CEP131: variants seen among roughly 807,000 people sequenced by gnomAD.
CEP131 encodes the protein centrosomal protein 131, also known as centrosomal protein of 131 kDa.
A neutral mutation model predicts 136.8 loss-of-function variants in CEP131; 99 were observed. The ratio of observed to expected loss-of-function variants is 0.72; its 90% CI spans 0.62 to 0.86. The LOEUF is 0.86. Among genes scored for constraint, CEP131 ranks in the 40% least tolerant of loss-of-function variants. The pLI, the probability that CEP131 is intolerant of heterozygous loss-of-function variation, is 0.00. For synonymous variants in CEP131, 646 were observed against 612.7 expected (o/e 1.05, Z -0.80); for missense variants, 1,459 against 1,463.0 (o/e 1.00, Z 0.04).
intron 6 of CEP131, 119 bp from the exon 7 acceptor site, chr17:81,202,517 C>G (rs1356657770): frequency 3.1e-6 from 4 of 1,277,802 alleles, no homozygotes; most frequent in African/African-American, 3.0e-5. Flanking sequence ...TGCTGGCAGG[C>G]TGGCAGCCGG....
intron 8 of CEP131, 91 bp from the exon 9 acceptor site, chr17:81,199,926 C>T (rs2061852811): frequency 7.6e-7 from 1 of 1,307,572 alleles, no homozygotes; most frequent in Non-Finnish European, 1.1e-6. Flanking sequence ...CCCTGGAGTC[C>T]CCTAGAGTTC....
Position 81,197,681 on chromosome 17 carries a change from GGGGGCCGGGTGCGGGCTGGTGA to G in CEP131, c.1647+9_1647+30del. On this transcript the variant is annotated intron_variant, in intron 13 of 25. Transcript: ENST00000450824. Reference sequence around the variant, plus strand: ...GGCTCGTGAGGGGCCTCCTCCCACTGGGGGCCGGGTGCGGGCTGGTGAGGGGCCACCTCCTGCTGGGAGTCCA... The same window carrying G: ...GGCTCGTGAGGGGCCTCCTCCCACTGGGGGCCACCTCCTGCTGGGAGTCCA... 1 of 1,586,830 alleles carries G rather than the reference GGGGGCCGGGTGCGGGCTGGTGA, an allele frequency of 6.3e-7. No individual in the cohort carries two copies. The highest frequency in any genetic ancestry group is 8.6e-7 in the Non-Finnish European group (1 of 1,166,266).
Position 81,194,982 on chromosome 17 carries a change from G to C in CEP131, c.2017-10C>G. The C allele has an allele frequency of 6.2e-7, 1 of 1,604,702 alleles. No homozygotes were observed. Among genetic ancestry groups the C allele is most frequent in the South Asian group, 1.1e-5 (1 of 90,964 alleles). The stretch of plus-strand genomic sequence containing the variant: ...TGAGTTTTTTAATCTCCTACGAGCA[G>C]AACAGGGCAGGAGGAAACGACACGA... On this transcript the variant is annotated splice_polypyrimidine_tract_variant and intron_variant, in intron 16 of 25. Transcript: ENST00000450824.
At chr17:81,210,005 GCGGACGC>G (rs2062095673) in intron 2 of CEP131, among the ~76,000 whole-genome samples, 4 of 19,672 alleles carry the variant, frequency 2.0e-4, no homozygotes, top group Middle Eastern at 0.033. Flanking sequence ...GCTCGGAGAA[GCGGACGC>G]TAAGCGAGGA....
chr17:81,201,788 T>C (rs2061895602), intron 7 of CEP131, among the ~76,000 whole-genome samples: 1 of 152,134 alleles, frequency 6.6e-6, no homozygotes, highest in African/African-American at 2.4e-5. Context: ...CCACACCACA[T>C]GGGGTCTGCT....
At chr17:81,214,929 C>T (rs9900964) in intron 2 of CEP131, among the ~76,000 whole-genome samples, 138,148 of 151,608 alleles carry the variant, frequency 0.91, 63,276 homozygotes, top group Non-Finnish European at 0.96. Context: ...CCTGCCACCA[C>T]GCCCGGCTAA....
intron 16 of CEP131, 98 bp from the exon 17 acceptor site, chr17:81,195,070 A>G (rs1456323238): frequency 1.1e-6 from 1 of 886,210 alleles, no homozygotes; most frequent in East Asian, 2.4e-5. Context: ...CAGGTCCACC[A>G]GCACAAGGCC....
chr17:81,205,414 G>A (rs1467248870), intron 5 of CEP131, among the ~76,000 whole-genome samples: 1 of 95,852 alleles, frequency 1.0e-5, no homozygotes, highest in South Asian at 4.5e-4. Context: ...TGGGTGGGGG[G>A]TAGGAGGGGC....
intron 2 of CEP131, among the ~76,000 whole-genome samples, chr17:81,217,687 A>G (rs1304807946): frequency 1.3e-5 from 2 of 152,192 alleles, no homozygotes; most frequent in African/African-American, 2.4e-5. Context: ...CGAGGGCCTC[A>G]AAGAATTGAA....
Position 81,219,799 on chromosome 17 carries a change from G to T in CEP131, c.177+81C>A. On this transcript the variant is annotated intron_variant, in intron 2 of 25. Coordinates refer to ENST00000450824, the MANE Select transcript of CEP131 (RefSeq NM_014984.4). The surrounding 1 kb of genome is among the most constrained non-coding windows in gnomAD (Gnocchi z 4.0). ...TGTGAGGCACTTGTTCACCTGTGGA[G>T]CTGGACCCAGGGGTCAGATGCCAAC... is the stretch of plus-strand genomic sequence containing the variant. 7.2e-7 allele frequency: 1 copy of T among 1,392,384 alleles called. No individual in the cohort carries two copies. The highest frequency in any genetic ancestry group is 9.6e-7 in the Non-Finnish European group (1 of 1,044,010). 86.3% of individuals were successfully genotyped at this position (1,392,384 alleles called of 1,614,324 possible).
chr17:81,194,685 G>GC (rs146062221), intron 17 of CEP131, among the ~76,000 whole-genome samples, 185 bp downstream of exon 17: 70 of 152,210 alleles, frequency 4.6e-4, no homozygotes, highest in African/African-American at 1.6e-3. Context: ...GAGCCCACCT[G>GC]CCCCCCGGGT....
In CEP131 at chr17:81,191,337, TG is replaced by T; in HGVS notation, c.2623-3del. The T allele has an allele frequency of 6.2e-7, 1 of 1,612,436 alleles. No homozygotes were observed. Among genetic ancestry groups the T allele is most frequent in the Non-Finnish European group, 8.5e-7 (1 of 1,179,598 alleles). Reference sequence around the variant, plus strand: ...TTCCCGGTTCAGCAGCCACGCCTCCTGGGGGGACATGCGCTGCCTGGGGGTT... The same window carrying T: ...TTCCCGGTTCAGCAGCCACGCCTCCTGGGGGACATGCGCTGCCTGGGGGTT... On this transcript the variant is annotated splice_region_variant and splice_polypyrimidine_tract_variant and intron_variant, in intron 21 of 25. Transcript: ENST00000450824.
intron 3 of CEP131, 68 bp from the exon 4 acceptor site, chr17:81,207,307 G>A: frequency 3.5e-6 from 5 of 1,417,238 alleles, no homozygotes; most frequent in Non-Finnish European, 4.9e-6. Context: ...TAGGCACACA[G>A]ACCAGGCAGG....
rs78726304 is a variant in CEP131 at position 81,208,261 on chromosome 17, C to T, written c.272+667G>A. ...TGGTGGCCGCAGTTCTTGGTCTTCCCAGGAAGGGTCCACCCGGGGCCCTTG... is the reference window on the plus strand; with the variant it reads ...TGGTGGCCGCAGTTCTTGGTCTTCCTAGGAAGGGTCCACCCGGGGCCCTTG... On this transcript the variant is annotated intron_variant, in intron 3 of 25. Coordinates refer to ENST00000450824, the MANE Select transcript of CEP131 (RefSeq NM_014984.4). This position sits in a 1 kb window ranked among gnomAD's most constrained non-coding sequence, Gnocchi z 5.6. Among the ~76,000 whole-genome samples, 16 of 152,296 alleles carry T rather than the reference C, an allele frequency of 1.1e-4. No individual in the cohort carries two copies. The East Asian group carries it at 3.1e-3, about 30-fold the overall frequency.
Position 81,202,344 on chromosome 17 carries a change from C to T in CEP131, c.684G>A (p.Lys228=). ...TGGCACTGGAGACATTCTTCGGCAG[C>T]TTCCCAAAGCCGCTGCTCTCACTGC... is the stretch of plus-strand genomic sequence containing the variant. ...CEGSESSGFG[K]LPKNVSSATH... is the part of the protein sequence containing the mutation. Residue 228 remains lysine (K), a synonymous_variant, in exon 7 of 26, where the codon AAG becomes AAA. Coordinates refer to ENST00000450824, the MANE Select transcript of CEP131 (RefSeq NM_014984.4). 6.2e-7 allele frequency: 1 copy of T among 1,613,768 alleles called. No individual in the cohort carries two copies. Among genetic ancestry groups the T allele is most frequent in the South Asian group, 1.1e-5 (1 of 91,080 alleles).
chr17:81,216,139 C>T (rs1355393704), intron 2 of CEP131, among the ~76,000 whole-genome samples: 1 of 152,070 alleles, frequency 6.6e-6, no homozygotes, highest in Non-Finnish European at 1.5e-5. Flanking sequence ...GCAGGAGGAT[C>T]ACCTGAGGTC....
At chr17:81,192,885 C>T (rs371532294) in intron 18 of CEP131, 42 bp from the exon 19 acceptor site, 149 of 1,573,618 alleles carry the variant, frequency 9.5e-5, no homozygotes, top group South Asian at 1.1e-4. Flanking sequence ...CCGGGACGGG[C>T]GGTCCCAGGA....
At chr17:81,192,685 G>GGCC in intron 19 of CEP131, 51 bp downstream of exon 19, 1 of 478,430 alleles carries the variant, frequency 2.1e-6, no homozygotes, top group Non-Finnish European at 4.1e-6. Context: ...GGGGGGAGGG[G>GGCC]TCAGCCAGCG....
chr17:81,216,099 C>A (rs1382305912), intron 2 of CEP131, among the ~76,000 whole-genome samples: 3 of 152,128 alleles, frequency 2.0e-5, no homozygotes, highest in Non-Finnish European at 4.4e-5. Flanking sequence ...GTGGCTCACA[C>A]CTGTAATCCC....
Sources: allele counts gnomAD v4.1 joint callset (sites outside exome capture counted in the v4.1 genomes callset), GRCh38; gene constraint gnomAD v4.1.1; non-coding constraint Gnocchi (gnomAD v3.1); transcripts MANE v1.5; gene names NCBI Gene and HGNC (gene_info 2026-07-23, HGNC 2026-07-21).